Variants in TBC1D16 observed in about 807,000 individuals in gnomAD.
TBC1D16 encodes CTD-2529O21.1.
In TBC1D16, 58 loss-of-function variants were observed where a neutral mutation model predicts 74.7. The ratio of observed to expected loss-of-function variants is 0.78; its 90% CI spans 0.63 to 0.97. The LOEUF (loss-of-function observed/expected upper bound fraction) is 0.97, where lower values mean the gene tolerates loss of function less well. Ranked by LOEUF, TBC1D16 falls within the 50% of genes least tolerant of loss-of-function variation. TBC1D16 has a pLI of 0.00. For synonymous variants in TBC1D16, 493 were observed against 474.7 expected (o/e 1.04, Z -0.50); for missense variants, 1,014 against 1,079.5 (o/e 0.94, Z 0.85).
rs2032361358 is a variant in TBC1D16, at chr17:79,944,763, A to C, written c.1908+145T>G. 4 of 742,706 alleles carry C rather than the reference A, an allele frequency of 5.4e-6. No homozygotes were observed. The highest frequency in any genetic ancestry group is 2.8e-5 in the East Asian group (1 of 35,772). 46.0% of individuals were successfully genotyped at this position (742,706 alleles called of 1,614,324 possible). On this transcript the variant is annotated intron_variant, in intron 10 of 11. Coordinates refer to ENST00000310924, the MANE Select transcript of TBC1D16 (RefSeq NM_019020.4). This position sits in a 1 kb window ranked among gnomAD's most constrained non-coding sequence, Gnocchi z 7.7. ...TAAGGTCTGAAGCCAGCCACGTGGG[A>C]CGGGAAGGCAGTCGCCGTATGGGGG... is the stretch of plus-strand genomic sequence containing the variant.
intron 1 of TBC1D16, among the ~76,000 whole-genome samples, chr17:80,019,601 T>G (rs1353227829): frequency 6.7e-6 from 1 of 150,030 alleles, no homozygotes. Context: ...TTCATCGAAA[T>G]CCAACCTAGT....
chr17:79,994,254 C>G lies in TBC1D16; in HGVS notation c.779+15906G>C, dbSNP rs1204841119. 2.0e-5 allele frequency among the ~76,000 whole-genome samples: 3 copies of G among 151,822 alleles called. No homozygotes were observed. Among genetic ancestry groups the G allele is most frequent in the Non-Finnish European group, 4.4e-5 (3 of 67,980 alleles). On this transcript the variant is annotated intron_variant, in intron 3 of 11. Transcript: ENST00000310924. This position sits in a 1 kb window ranked among gnomAD's most constrained non-coding sequence, Gnocchi z 4.6. ...CAGCTCCCTTGGGGGACATACCTGG[C>G]TGGTGACTTCTAGAATCCCAGCTCA...
At chr17:80,012,720 A>C (rs1374939737) in intron 2 of TBC1D16, among the ~76,000 whole-genome samples, 1 of 152,166 alleles carries the variant, frequency 6.6e-6, no homozygotes, top group African/African-American at 2.4e-5. Context: ...TGACAACTTT[A>C]CTATTTTGCC....
rs572771095 is a variant in TBC1D16 at position 80,020,854 on chromosome 17, G to A, written c.-62-7245C>T. On this transcript the variant is annotated intron_variant, in intron 1 of 11. Coordinates refer to ENST00000310924, the MANE Select transcript of TBC1D16 (RefSeq NM_019020.4). Reference sequence around the variant, plus strand: ...GGGATTTAAATCTCCACCAGGCTGGGAACTGAAAAATGGTTTTCTGACTGG... The same window carrying A: ...GGGATTTAAATCTCCACCAGGCTGGAAACTGAAAAATGGTTTTCTGACTGG... Among the ~76,000 whole-genome samples the A allele has an allele frequency of 2.7e-4, 40 of 150,150 alleles. 2 individuals carry two copies. The highest frequency in any genetic ancestry group is 5.2e-4 in the Admixed American group (8 of 15,256).
At position 80,001,480 on chromosome 17, in the gene TBC1D16, C is replaced by A. The variant is rs1008589383; in HGVS notation, c.779+8680G>T. On this transcript the variant is annotated intron_variant, in intron 3 of 11. Transcript: ENST00000310924. The surrounding 1 kb of genome is among the most constrained non-coding windows in gnomAD (Gnocchi z 5.8). Reference sequence around the variant, plus strand: ...TGCTGGCTTCCCGGCTGCCAGGCTGCGCTGGGCCCGGAGGGGTGGGCGGGG... The same window carrying A: ...TGCTGGCTTCCCGGCTGCCAGGCTGAGCTGGGCCCGGAGGGGTGGGCGGGG... Among the ~76,000 whole-genome samples the A allele has an allele frequency of 6.6e-6, 1 of 151,908 alleles. No homozygotes were observed. Among genetic ancestry groups the A allele is most frequent in the African/African-American group, 2.4e-5 (1 of 41,384 alleles).
At chr17:80,017,594 T>A (rs1329564288) in intron 1 of TBC1D16, among the ~76,000 whole-genome samples, 2 of 143,110 alleles carry the variant, frequency 1.4e-5, no homozygotes, top group African/African-American at 5.2e-5. Context: ...AGCGGGAGAA[T>A]CGCTTGAACC....
chr17:79,953,440 T>C lies in TBC1D16; in HGVS notation c.780-622A>G, dbSNP rs148963982. Among the ~76,000 whole-genome samples, 12 of 152,362 alleles carry C rather than the reference T, an allele frequency of 7.9e-5. No homozygotes were observed. In the East Asian group the frequency reaches 2.3e-3, roughly 29 times the overall value. On this transcript the variant is annotated intron_variant, in intron 3 of 11. Coordinates refer to ENST00000310924, the MANE Select transcript of TBC1D16 (RefSeq NM_019020.4). ...AGCTAATGCTTCTCAGGTGCTTTTA[T>C]TGCAATTAATCTTCACAAAAATCCT...
chr17:79,955,087 G>T (rs1252661267), intron 3 of TBC1D16, among the ~76,000 whole-genome samples: 1 of 152,210 alleles, frequency 6.6e-6, no homozygotes, highest in East Asian at 1.9e-4. Flanking sequence ...CGTGCCTCCA[G>T]GCAGGAGTTG....
At chr17:80,027,888 A>G (rs1333826113) in intron 1 of TBC1D16, among the ~76,000 whole-genome samples, 1 of 94,820 alleles carries the variant, frequency 1.1e-5, no homozygotes, top group Non-Finnish European at 2.5e-5. Context: ...CAAGACTCCA[A>G]CTCAAAAAAA....
At chr17:79,942,246 A>G in intron 10 of TBC1D16, 40 bp from the exon 11 acceptor site, 2 of 1,552,130 alleles carry the variant, frequency 1.3e-6, no homozygotes, top group Non-Finnish European at 8.7e-7. Context: ...GCTCTGACCG[A>G]GCCCCAGGCC....
rs1014142414 is a variant in TBC1D16 at position 80,035,495 on chromosome 17, G to T, written c.-63+300C>A. The stretch of plus-strand genomic sequence containing the variant: ...CGGTCCACCGCTCCAGACAGGCGGG[G>T]ACCAGTCTCCCCGAATTAGGCCCAT... On this transcript the variant is annotated intron_variant, in intron 1 of 11. Transcript: ENST00000310924. This position sits in a 1 kb window ranked among gnomAD's most constrained non-coding sequence, Gnocchi z 5.3. Among the ~76,000 whole-genome samples the T allele has an allele frequency of 6.6e-6, 1 of 151,978 alleles. No individual in the cohort carries two copies. The highest frequency in any genetic ancestry group is 2.4e-5 in the African/African-American group (1 of 41,448).
chr17:79,970,726 G>C (rs537482503), intron 3 of TBC1D16, among the ~76,000 whole-genome samples: 1 of 152,276 alleles, frequency 6.6e-6, no homozygotes, highest in Admixed American at 6.5e-5. Flanking sequence ...GGTGGACCTG[G>C]GGGTCCTCAG....
intron 3 of TBC1D16, among the ~76,000 whole-genome samples, chr17:79,996,475 G>C (rs1487969283): frequency 6.6e-6 from 1 of 152,122 alleles, no homozygotes; most frequent in African/African-American, 2.4e-5. Context: ...AAATAATAGT[G>C]ACAACCTCAA....
At chr17:79,967,120 A>G (rs1197195573) in intron 3 of TBC1D16, among the ~76,000 whole-genome samples, 1 of 152,232 alleles carries the variant, frequency 6.6e-6, no homozygotes, top group Non-Finnish European at 1.5e-5. Flanking sequence ...TTTAAGTGTG[A>G]AAGACTAAAA....
At chr17:79,998,887 T>C (rs2035376959) in intron 3 of TBC1D16, among the ~76,000 whole-genome samples, 2 of 152,178 alleles carry the variant, frequency 1.3e-5, no homozygotes, top group Admixed American at 6.5e-5. Flanking sequence ...TTTTTAAATG[T>C]TGAAAAAAAT....
intron 3 of TBC1D16, among the ~76,000 whole-genome samples, chr17:79,967,455 G>A (rs187959418): frequency 5.9e-5 from 9 of 152,196 alleles, no homozygotes; most frequent in African/African-American, 2.2e-4. Flanking sequence ...TAAGATCAAT[G>A]TCTAAAAATT....
rs373608903 is a variant in TBC1D16 at position 79,945,106 on chromosome 17, C to T, written c.1729-19G>A. On this transcript the variant is annotated intron_variant, in intron 9 of 11. Coordinates refer to ENST00000310924, the MANE Select transcript of TBC1D16 (RefSeq NM_019020.4). ...GGTACAGCTGGGGGTGAGGCCGTCA[C>T]GCGTTAGTTAGCTCCGGTCCCATGC... 4.5e-6 allele frequency: 7 copies of T among 1,562,564 alleles called. No individual in the cohort carries two copies. The highest frequency in any genetic ancestry group is 5.2e-6 in the Non-Finnish European group (6 of 1,154,380).
chr17:79,962,322 C>T (rs2033654265), intron 3 of TBC1D16, among the ~76,000 whole-genome samples: 1 of 146,760 alleles, frequency 6.8e-6, no homozygotes, highest in Admixed American at 7.0e-5. Context: ...TCAAGCAATT[C>T]TCCTGCCTCA....
At chr17:80,034,197 T>G (rs1012215528) in intron 1 of TBC1D16, among the ~76,000 whole-genome samples, 3 of 126,192 alleles carry the variant, frequency 2.4e-5, no homozygotes, top group Non-Finnish European at 4.7e-5. Flanking sequence ...AACTTTTTTT[T>G]TCCTTTTTTT....
Sources: allele counts gnomAD v4.1 joint callset (sites outside exome capture counted in the v4.1 genomes callset), GRCh38; gene constraint gnomAD v4.1.1; non-coding constraint Gnocchi (gnomAD v3.1); transcripts MANE v1.5; gene names NCBI Gene and HGNC (gene_info 2026-07-23, HGNC 2026-07-21).